Variants in KATNBL1 observed in about 807,000 individuals in gnomAD.
KATNBL1 encodes the protein katanin regulatory subunit B1 like 1.
KATNBL1 carries 28 observed loss-of-function variants against 44.7 expected under a neutral mutation model. The observed-to-expected ratio is 0.63, with a 90% confidence interval of 0.46 to 0.86. The LOEUF is 0.86. Ranked by LOEUF, KATNBL1 falls within the 40% of genes least tolerant of loss-of-function variation. The pLI, the probability that KATNBL1 is intolerant of heterozygous loss-of-function variation, is 0.00. For missense variants in KATNBL1, 272 were observed against 350.7 expected, an observed-to-expected ratio of 0.78 and a Z score of 1.79; for synonymous variants, 78 against 114.9, an observed-to-expected ratio of 0.68 and a Z score of 2.06.
chr15:34,192,598 CGACTTTGTTTCAGTAAGTAAT>C (rs1889908736), intron 1 of KATNBL1, among the ~76,000 whole-genome samples: 1 of 152,000 alleles, frequency 6.6e-6, no homozygotes, highest in Non-Finnish European at 1.5e-5. Context: ...TATACGAAAT[CGACTTTGTTTCAGTAAGTAAT>C]GTGAAAGTCC....
At chr15:34,151,204 C>G (rs1888458876) in intron 4 of KATNBL1, among the ~76,000 whole-genome samples, 1 of 152,098 alleles carries the variant, frequency 6.6e-6, no homozygotes, top group South Asian at 2.1e-4. Flanking sequence ...ACATTGTCAC[C>G]AGCATTGTAT....
At position 34,147,268 on chromosome 15, in the gene KATNBL1, A is replaced by G; in HGVS notation, c.630T>C (p.Tyr210=). The part of the protein sequence containing the change: ...LTNCLQEEKQ[Y]ISLGCCVDLL... ...AGTCAACACAGCAGCCAAGTGAGAT[A>G]TATTGTTTTTCTTCCTGTAAACTAA... The change falls in exon 7 of 10, where the codon TAT becomes TAC. Residue 210 remains tyrosine, a synonymous_variant. Coordinates refer to ENST00000256544, the MANE Select transcript of KATNBL1 (RefSeq NM_024713.3). The G allele has an allele frequency of 1.2e-6, 2 of 1,612,912 alleles. No homozygotes were observed. Among genetic ancestry groups the G allele is most frequent in the East Asian group, 2.2e-5 (1 of 44,850 alleles).
At chr15:34,184,576 C>CTTTCTTTTT (rs1889664857) in intron 1 of KATNBL1, among the ~76,000 whole-genome samples, 1 of 95,258 alleles carries the variant, frequency 1.0e-5, no homozygotes, top group South Asian at 3.6e-4. Flanking sequence ...CCTAATGTTT[C>CTTTCTTTTT]TTTTTTTTTT....
At chr15:34,150,716 G>A (rs1888443591) in intron 4 of KATNBL1, among the ~76,000 whole-genome samples, 1 of 152,196 alleles carries the variant, frequency 6.6e-6, no homozygotes, top group Non-Finnish European at 1.5e-5. Flanking sequence ...CAGGTAATAA[G>A]CATAGTAACT....
chr15:34,169,842 T>C (rs983436538), intron 1 of KATNBL1, among the ~76,000 whole-genome samples: 1 of 152,176 alleles, frequency 6.6e-6, no homozygotes, highest in African/African-American at 2.4e-5. Context: ...AAAAACCACA[T>C]GATTATCTCA....
intron 1 of KATNBL1, among the ~76,000 whole-genome samples, chr15:34,181,712 G>GTCCATATATATCCATATATA (rs1889550490): frequency 1.1e-4 from 1 of 8,782 alleles, no homozygotes; most frequent in South Asian, 5.1e-3. Flanking sequence ...CCATATATAT[G>GTCCATATATATCCATATATA]GACATATATA....
chr15:34,173,172 A>C (rs1889224034), intron 1 of KATNBL1, among the ~76,000 whole-genome samples: 2 of 152,046 alleles, frequency 1.3e-5, no homozygotes, highest in South Asian at 4.1e-4. Context: ...AGAATTTTAG[A>C]AAGAGTACAA....
chr15:34,180,463 C>T (rs921321984), intron 1 of KATNBL1, among the ~76,000 whole-genome samples: 3 of 151,926 alleles, frequency 2.0e-5, no homozygotes, highest in Non-Finnish European at 2.9e-5. Context: ...TCCTTGTTCC[C>T]TTACCATTTT....
intron 4 of KATNBL1, among the ~76,000 whole-genome samples, chr15:34,151,046 T>C (rs1397405859): frequency 6.6e-6 from 1 of 152,232 alleles, no homozygotes; most frequent in African/African-American, 2.4e-5. Context: ...GTCTTTGCTA[T>C]TGTGAACAGT....
At chr15:34,177,862 T>C (rs1257481806) in intron 1 of KATNBL1, 1 of 152,186 alleles carries the variant, frequency 6.6e-6, no homozygotes, top group Non-Finnish European at 1.5e-5. Context: ...ATTTCATTCC[T>C]CCTCTTGAAA....
At chr15:34,188,632 C>T (rs1265601471) in intron 1 of KATNBL1, among the ~76,000 whole-genome samples, 1 of 152,106 alleles carries the variant, frequency 6.6e-6, no homozygotes, top group Non-Finnish European at 1.5e-5. Flanking sequence ...AACAAAAAGC[C>T]GTACAAAATT....
In KATNBL1 at chr15:34,152,783, G is replaced by C. The variant is rs114864072; in HGVS notation, c.438+7C>G. 7.1e-4 allele frequency: 1,138 copies of C among 1,602,756 alleles called. 11 individuals carry two copies. In the African/African-American group the frequency reaches 0.014, roughly 20 times the overall value. On this transcript the variant is annotated splice_region_variant and intron_variant, in intron 4 of 9. Coordinates refer to ENST00000256544, the MANE Select transcript of KATNBL1 (RefSeq NM_024713.3). Reference sequence around the variant, plus strand: ...TAAACTAGATATGAGTTAGAGAAAAGACTTACCTCAGAAAAAAACCCACTA... The same window carrying C: ...TAAACTAGATATGAGTTAGAGAAAACACTTACCTCAGAAAAAAACCCACTA...
chr15:34,209,282 T>C (rs1022996497), intron 1 of KATNBL1: 1 of 152,236 alleles, frequency 6.6e-6, no homozygotes, highest in Non-Finnish European at 1.5e-5. Context: ...TTACAATTTT[T>C]TTTAAATCAG....
intron 2 of KATNBL1, among the ~76,000 whole-genome samples, chr15:34,160,270 C>A (rs1481218502): frequency 2.0e-5 from 3 of 152,148 alleles, no homozygotes; most frequent in Non-Finnish European, 4.4e-5. Context: ...CAGGTTCTGG[C>A]CCCATGGATA....
At chr15:34,166,624 G>A (rs961903958) in intron 1 of KATNBL1, among the ~76,000 whole-genome samples, 1 of 152,252 alleles carries the variant, frequency 6.6e-6, no homozygotes, top group Non-Finnish European at 1.5e-5. Flanking sequence ...AGAATGGACA[G>A]ACTGCCTCCT....
In KATNBL1 at chr15:34,147,192, G is replaced by A. The variant is rs573863174; in HGVS notation, c.698+8C>T. 2 of 1,520,634 alleles carry A rather than the reference G, an allele frequency of 1.3e-6. No homozygotes were observed. The highest frequency in any genetic ancestry group is 3.4e-5 in the Admixed American group (2 of 59,572). 94.2% of individuals were successfully genotyped at this position (1,520,634 alleles called of 1,614,324 possible). On this transcript the variant is annotated splice_region_variant and intron_variant, in intron 7 of 9. Transcript: ENST00000256544. ...GAAAAATGAATCAAGATTCAGATTA[G>A]CACTTACTCTTCAAATTTGCTTTTA...
At chr15:34,164,113 C>A (rs777964567) in intron 1 of KATNBL1, among the ~76,000 whole-genome samples, 11 of 152,164 alleles carry the variant, frequency 7.2e-5, no homozygotes, top group Non-Finnish European at 1.6e-4. Flanking sequence ...AGGCTGATCT[C>A]ATACTCCTGA....
intron 1 of KATNBL1, among the ~76,000 whole-genome samples, chr15:34,174,521 T>C (rs1443835386): frequency 6.6e-6 from 1 of 152,194 alleles, no homozygotes; most frequent in Non-Finnish European, 1.5e-5. Context: ...AGTCATTTAG[T>C]TAATTAAAAG....
chr15:34,188,111 C>T (rs1041025940), intron 1 of KATNBL1, among the ~76,000 whole-genome samples: 4 of 109,312 alleles, frequency 3.7e-5, no homozygotes, highest in African/African-American at 6.8e-5. Context: ...TGCCTTCCAG[C>T]CTGGGTGACA....
Sources: allele counts gnomAD v4.1 joint callset (sites outside exome capture counted in the v4.1 genomes callset), GRCh38; gene constraint gnomAD v4.1.1; transcripts MANE v1.5; gene names NCBI Gene and HGNC (gene_info 2026-07-23, HGNC 2026-07-21).